The following C12orf42 variants were observed in gnomAD, a reference collection of about 807,000 sequenced individuals.
C12orf42 encodes uncharacterized protein C12orf42.
In C12orf42, 25 loss-of-function variants were observed where a neutral mutation model predicts 21.6. The ratio of observed to expected loss-of-function variants is 1.16; its 90% CI spans 0.84 to 1.62. C12orf42 has a LOEUF of 1.62. C12orf42 is among the 40% of genes most tolerant of loss of function. C12orf42 has a pLI of 0.00. For missense variants in C12orf42, 483 were observed against 459.3 expected, an observed-to-expected ratio of 1.05 and a Z score of -0.47; for synonymous variants, 174 against 175.0, an observed-to-expected ratio of 0.99 and a Z score of 0.05.
At chr12:103,397,978 A>G (rs1211323786) in intron 3 of C12orf42, among the ~76,000 whole-genome samples, 2 of 152,194 alleles carry the variant, frequency 1.3e-5, no homozygotes, top group African/African-American at 4.8e-5. Context: ...CCCCAAACAC[A>G]CTGACTTGAT....
chr12:103,093,867 CTT>C, the C12orf42 span, among the ~76,000 whole-genome samples: 1 of 152,214 alleles, frequency 6.6e-6, no homozygotes, highest in Non-Finnish European at 1.5e-5. Flanking sequence ...AGTCCTAAGA[CTT>C]TGCTCAGTCC....
chr12:103,306,450 G>A, intron 4 of C12orf42, 105 bp from the exon 5 acceptor site: 2 of 1,349,328 alleles, frequency 1.5e-6, no homozygotes, highest in South Asian at 3.1e-5. Context: ...TGGTTGTTTT[G>A]TGTTTCTACT....
At chr12:103,277,627 C>CT (rs548608007) in intron 4 of C12orf42, among the ~76,000 whole-genome samples, 3,740 of 144,716 alleles carry the variant, frequency 0.026, 131 homozygotes, top group African/African-American at 0.073. Flanking sequence ...TTTTCTTTTT[C>CT]TTTTTTTTTT....
the C12orf42 span, among the ~76,000 whole-genome samples, chr12:103,092,217 G>A: frequency 6.6e-6 from 1 of 152,208 alleles, no homozygotes; most frequent in Admixed American, 6.5e-5. Flanking sequence ...GGAGAACAGA[G>A]CAGGAAGTAA....
the C12orf42 span, among the ~76,000 whole-genome samples, chr12:103,198,408 C>T: frequency 1.3e-5 from 2 of 152,266 alleles, no homozygotes; most frequent in South Asian, 2.1e-4. Context: ...CAGATTGGTG[C>T]TCAGACCAGA....
chr12:103,507,653 A>G, the C12orf42 span, among the ~76,000 whole-genome samples: 21 of 143,064 alleles, frequency 1.5e-4, no homozygotes, highest in Non-Finnish European at 1.5e-5. Flanking sequence ...CACCTAGCCT[A>G]GGGAACACAG....
chr12:103,372,271 T>C (rs1286568860), intron 3 of C12orf42, among the ~76,000 whole-genome samples: 1 of 152,146 alleles, frequency 6.6e-6, no homozygotes, highest in African/African-American at 2.4e-5. Flanking sequence ...CAAGTTTAAA[T>C]ATGGCACTGG....
chr12:103,333,175 A>G (rs980230580), intron 4 of C12orf42, among the ~76,000 whole-genome samples: 3 of 152,208 alleles, frequency 2.0e-5, no homozygotes, highest in African/African-American at 4.8e-5. Flanking sequence ...AAGAGGCAGT[A>G]TAATAGAGTG....
intron 4 of C12orf42, among the ~76,000 whole-genome samples, chr12:103,367,189 C>A (rs549019725): frequency 1.3e-5 from 2 of 152,082 alleles, no homozygotes; most frequent in African/African-American, 4.8e-5. Context: ...TGAAGTAACT[C>A]AGGAATGGAA....
At chr12:103,271,856 AAC>A (rs1460737510) in intron 5 of C12orf42, among the ~76,000 whole-genome samples, 2 of 152,340 alleles carry the variant, frequency 1.3e-5, no homozygotes, top group Non-Finnish European at 2.9e-5. Context: ...TTAAAAAACA[AAC>A]ACAGCACTGG....
At chr12:103,322,118 C>CACGCGCGTGCGT (rs2040219816) in intron 4 of C12orf42, among the ~76,000 whole-genome samples, 1 of 120,066 alleles carries the variant, frequency 8.3e-6, no homozygotes, top group African/African-American at 3.9e-5. Flanking sequence ...TGCGTGCGCG[C>CACGCGCGTGCGT]GCGCGCGCAC....
At chr12:103,328,238 T>G (rs2040889151) in intron 4 of C12orf42, among the ~76,000 whole-genome samples, 1 of 152,142 alleles carries the variant, frequency 6.6e-6, no homozygotes, top group East Asian at 1.9e-4. Context: ...TATCGACCCC[T>G]GAACCAATAT....
chr12:103,126,162 T>C, the C12orf42 span, among the ~76,000 whole-genome samples: 1 of 152,148 alleles, frequency 6.6e-6, no homozygotes, highest in East Asian at 1.9e-4. Context: ...GGAAGAAATC[T>C]AGGCAATGCC....
the C12orf42 span, among the ~76,000 whole-genome samples, chr12:103,143,895 C>T: frequency 6.6e-6 from 1 of 152,210 alleles, no homozygotes; most frequent in East Asian, 1.9e-4. Flanking sequence ...CTAGTCTCAG[C>T]TTTCCCATTT....
intron 3 of C12orf42, among the ~76,000 whole-genome samples, chr12:103,377,700 C>T (rs1220203488): frequency 6.6e-6 from 1 of 152,058 alleles, no homozygotes; most frequent in Non-Finnish European, 1.5e-5. Flanking sequence ...TGCATCCAGC[C>T]CCTCACCAGG....
At chr12:103,284,659 G>A (rs1481639077) in intron 4 of C12orf42, among the ~76,000 whole-genome samples, 2 of 152,146 alleles carry the variant, frequency 1.3e-5, no homozygotes, top group East Asian at 3.8e-4. Flanking sequence ...TTTGAACATG[G>A]TAGGCCTTTG....
chr12:103,491,938 T>G (rs1251481251), intron 1 of C12orf42, among the ~76,000 whole-genome samples: 1 of 121,822 alleles, frequency 8.2e-6, no homozygotes, highest in African/African-American at 2.8e-5. Flanking sequence ...TAGAAACTCC[T>G]TGTTTTCAAT....
chr12:103,276,582 G>T (rs2035785006), intron 5 of C12orf42, among the ~76,000 whole-genome samples: 1 of 152,256 alleles, frequency 6.6e-6, no homozygotes, highest in East Asian at 1.9e-4. Flanking sequence ...TATCAGCTAG[G>T]GGTTGCTTCT....
At chr12:103,125,604 ATTC>A in the C12orf42 span, among the ~76,000 whole-genome samples, 1 of 152,218 alleles carries the variant, frequency 6.6e-6, no homozygotes, top group Non-Finnish European at 1.5e-5. Context: ...AGAAAGCTGA[ATTC>A]TTCTTTTACT....
Sources: allele counts gnomAD v4.1 joint callset (sites outside exome capture counted in the v4.1 genomes callset), GRCh38; gene constraint gnomAD v4.1.1; transcripts MANE v1.5; gene names NCBI Gene and HGNC (gene_info 2026-07-23, HGNC 2026-07-21).